Variants in AKAP12 observed in about 807,000 individuals in gnomAD.
AKAP12 encodes the protein A-kinase anchoring protein 12.
AKAP12 carries 32 observed loss-of-function variants against 79.9 expected under a neutral mutation model. The ratio of observed to expected loss-of-function variants is 0.40; its 90% CI spans 0.30 to 0.54. AKAP12 has a LOEUF of 0.54. Ranked by LOEUF, AKAP12 falls within the 20% of genes least tolerant of loss-of-function variation. AKAP12 has a pLI of 0.48. For synonymous variants in AKAP12, 808 were observed against 857.0 expected (o/e 0.94, Z 1.00); for missense variants, 2,074 against 2,177.0 (o/e 0.95, Z 0.94).
intron 2 of AKAP12, among the ~76,000 whole-genome samples, chr6:151,260,360 A>G (rs757570612): frequency 3.3e-5 from 5 of 152,188 alleles, no homozygotes; most frequent in Non-Finnish European, 5.9e-5. Flanking sequence ...GGCAGCTCTC[A>G]GACTTGGAGC....
chr6:151,335,725 G>A (rs950460324), intron 3 of AKAP12, among the ~76,000 whole-genome samples: 2 of 152,024 alleles, frequency 1.3e-5, no homozygotes, highest in African/African-American at 4.8e-5. Flanking sequence ...CTCCTGCCTC[G>A]GCCTCCCAAA....
intron 2 of AKAP12, among the ~76,000 whole-genome samples, chr6:151,243,196 A>G (rs1797010974): frequency 6.6e-6 from 1 of 152,228 alleles, no homozygotes; most frequent in Admixed American, 6.5e-5. Flanking sequence ...AGTCCATTTC[A>G]TACCCTGAGT....
At chr6:151,295,762 G>A (rs1337578924) in intron 2 of AKAP12, among the ~76,000 whole-genome samples, 2 of 152,236 alleles carry the variant, frequency 1.3e-5, no homozygotes, top group African/African-American at 2.4e-5. Flanking sequence ...GTGGGATGAT[G>A]TAGCGTAGGC....
chr6:151,243,112 C>T (rs1294442320), intron 2 of AKAP12, among the ~76,000 whole-genome samples: 1 of 152,188 alleles, frequency 6.6e-6, no homozygotes, highest in East Asian at 1.9e-4. Flanking sequence ...TATAGAGTGA[C>T]TTGTTAGCAT....
At chr6:151,345,547 C>T (rs1778069756) in intron 3 of AKAP12, among the ~76,000 whole-genome samples, 1 of 151,128 alleles carries the variant, frequency 6.6e-6, no homozygotes, top group Non-Finnish European at 1.5e-5. Flanking sequence ...GTAATCCCAG[C>T]ACTTTGGGAG....
At position 151,356,065 on chromosome 6, in the gene AKAP12, T is replaced by C. The variant is rs1030120502; in HGVS notation, c.*351T>C. On this transcript the variant is annotated 3_prime_UTR_variant, in exon 5 of 5. Transcript: ENST00000402676. ...GTATCATTCTTTACATATTTATATG[T>C]ATGTTTTAAGTAGTCCTCCTGTATC... The C allele has an allele frequency of 6.5e-6, 1 of 152,672 alleles. No homozygotes were observed. The highest frequency in any genetic ancestry group is 2.4e-5 in the African/African-American group (1 of 41,474). 9.5% of individuals were successfully genotyped at this position (152,672 alleles called of 1,614,324 possible). A position where few individuals can be genotyped will look rare whatever the true frequency, so the allele number is the denominator to read the frequency against.
intron 2 of AKAP12, among the ~76,000 whole-genome samples, chr6:151,278,055 A>G (rs1285975327): frequency 6.6e-6 from 1 of 152,156 alleles, no homozygotes; most frequent in Non-Finnish European, 1.5e-5. Context: ...TATTTTATTT[A>G]AAATCTACAA....
chr6:151,329,275 C>A (rs1777610914), intron 3 of AKAP12, among the ~76,000 whole-genome samples: 1 of 152,120 alleles, frequency 6.6e-6, no homozygotes, highest in Admixed American at 6.5e-5. Flanking sequence ...GCCACCACGC[C>A]CCGCTAATGT....
intron 3 of AKAP12, among the ~76,000 whole-genome samples, chr6:151,321,498 T>C (rs1460481124): frequency 2.7e-5 from 4 of 150,746 alleles, no homozygotes; most frequent in Non-Finnish European, 6.0e-5. Flanking sequence ...ATCTATGTTA[T>C]GGCATGTTTC....
At position 151,348,727 on chromosome 6, in the gene AKAP12, T is replaced by G. The variant is rs1465839916; in HGVS notation, c.336T>G (p.Ser112=). ...VIVTEVGQRD[S]EDVSKRDSDK... The stretch of plus-strand genomic sequence containing the variant: ...TGTTAATAGTTGGACAGAGAGACTC[T>G]GAAGATGTGAGCAAAAGAGACTCCG... The change falls in exon 4 of 5, where the codon TCT becomes TCG. Residue 112 remains serine (S), a synonymous_variant. Coordinates refer to ENST00000402676, the MANE Select transcript of AKAP12 (RefSeq NM_005100.4). 1 of 1,329,026 alleles carries G rather than the reference T, an allele frequency of 7.5e-7. No individual in the cohort carries two copies. Among genetic ancestry groups the G allele is most frequent in the Non-Finnish European group, 1.0e-6 (1 of 985,040 alleles). The allele number at this position is 1,329,026 out of a possible 1,614,324, so 82.3% of individuals were successfully genotyped here.
rs1328703802 is a variant in AKAP12 at position 151,352,380 on chromosome 6, C to T, written c.3989C>T (p.Pro1330Leu). 3 of 1,614,188 alleles carry T rather than the reference C, an allele frequency of 1.9e-6. No individual in the cohort carries two copies. The highest frequency in any genetic ancestry group is 2.5e-6 in the Non-Finnish European group (3 of 1,180,028). ...CTGCAGAGTCACGCTAAGTCTCCTC[C>T]ATCCCCCGTGGAGAGAGAGATGGTA... Reference protein sequence around the residue: ...LELQSHAKSPPSPVEREMVVQ... With the variant: ...LELQSHAKSPLSPVEREMVVQ... Residue 1330 changes from proline to leucine, a missense_variant, in exon 4 of 5, where the codon CCA (proline) becomes CTA (leucine). Physicochemically the swap from Pro to Leu is moderately conservative, Grantham distance 98. Transcript: ENST00000402676.
At chr6:151,297,219 G>A (rs1245001466) in intron 2 of AKAP12, among the ~76,000 whole-genome samples, 1 of 134,616 alleles carries the variant, frequency 7.4e-6, no homozygotes, top group South Asian at 2.3e-4. Context: ...TGTGTGTTGT[G>A]GGGGCAGGAT....
chr6:151,314,242 G>C (rs1297970529), intron 3 of AKAP12, among the ~76,000 whole-genome samples: 1 of 152,032 alleles, frequency 6.6e-6, no homozygotes, highest in Non-Finnish European at 1.5e-5. Context: ...GACCATGGCT[G>C]GTCTCAAACT....
chr6:151,276,184 AATAAAAAAT>A (rs879772376), intron 2 of AKAP12, among the ~76,000 whole-genome samples: 60 of 152,284 alleles, frequency 3.9e-4, no homozygotes, highest in Admixed American at 1.0e-3. Context: ...CTTGTACTTA[AATAAAAAAT>A]CTTTCCATGT....
intron 4 of AKAP12, among the ~76,000 whole-genome samples, chr6:151,354,397 G>A (rs956890104): frequency 2.1e-5 from 3 of 145,202 alleles, no homozygotes; most frequent in East Asian, 2.0e-4. Context: ...TTCTTGAGAC[G>A]GAGTCTCGCT....
At chr6:151,267,014 CAAAAAAA>C (rs34974747) in intron 2 of AKAP12, among the ~76,000 whole-genome samples, 676 of 35,304 alleles carry the variant, frequency 0.019, 7 homozygotes, top group African/African-American at 0.047. Context: ...GACTCCATCT[CAAAAAAA>C]AAAAAAAAAA....
intron 2 of AKAP12, among the ~76,000 whole-genome samples, chr6:151,278,185 A>T (rs921035247): frequency 4.7e-5 from 7 of 150,240 alleles, no homozygotes; most frequent in African/African-American, 1.7e-4. Context: ...GGGAATTCAG[A>T]TGTTGTGTTT....
At chr6:151,256,335 G>T (rs1215918475) in intron 2 of AKAP12, among the ~76,000 whole-genome samples, 1 of 152,144 alleles carries the variant, frequency 6.6e-6, no homozygotes, top group Non-Finnish European at 1.5e-5. Context: ...GTTTGGAAAG[G>T]CCAGGCTAGA....
intron 2 of AKAP12, among the ~76,000 whole-genome samples, chr6:151,260,267 A>C (rs1483076174): frequency 6.6e-6 from 1 of 152,168 alleles, no homozygotes; most frequent in Non-Finnish European, 1.5e-5. Context: ...AAAATGAGCC[A>C]GTAGAGTGGA....
Sources: gnomAD v4.1 joint callset for allele counts (sites outside exome capture counted in the v4.1 genomes callset) on GRCh38, gnomAD v4.1.1 for gene constraint, MANE v1.5 for transcripts, NCBI Gene and HGNC (gene_info 2026-07-23, HGNC 2026-07-21) for gene names.